Variants in SGCZ observed in about 807,000 individuals in gnomAD.
The protein encoded by SGCZ is sarcoglycan zeta, also known as zeta-sarcoglycan.
In SGCZ, 40 loss-of-function variants were observed where a neutral mutation model predicts 41.3. The observed-to-expected ratio is 0.97, with a 90% CI of 0.75 to 1.26. The LOEUF (loss-of-function observed/expected upper bound fraction) is 1.26, where lower values mean the gene tolerates loss of function less well. Among genes scored for constraint, SGCZ ranks in the 50% most tolerant of loss-of-function variants. SGCZ has a pLI of 0.00. For missense variants in SGCZ, 552 were observed against 369.8 expected (o/e 1.49, Z -4.04); for synonymous variants, 206 against 137.5 (o/e 1.50, Z -3.49).
intron 1 of SGCZ, among the ~76,000 whole-genome samples, chr8:14,985,280 C>A (rs1801793887): frequency 6.6e-6 from 1 of 152,046 alleles, no homozygotes; most frequent in Non-Finnish European, 1.5e-5. Flanking sequence ...CATCCAAAAT[C>A]ATAAAATGTC....
intron 1 of SGCZ, among the ~76,000 whole-genome samples, chr8:14,774,955 G>A (rs1800356071): frequency 6.6e-6 from 1 of 151,994 alleles, no homozygotes; most frequent in Non-Finnish European, 1.5e-5. Context: ...TAAGAAAATT[G>A]TCATTGTAGT....
At chr8:14,800,066 C>A (rs1240929193) in intron 1 of SGCZ, among the ~76,000 whole-genome samples, 1 of 152,060 alleles carries the variant, frequency 6.6e-6, no homozygotes, top group East Asian at 1.9e-4. Flanking sequence ...CCATTATGTA[C>A]TCTACCTATA....
At chr8:15,215,908 A>G (rs1455084007) in intron 1 of SGCZ, among the ~76,000 whole-genome samples, 1 of 152,210 alleles carries the variant, frequency 6.6e-6, no homozygotes, top group African/African-American at 2.4e-5. Context: ...AGACAGAAAC[A>G]TCAACTTCTG....
At chr8:14,401,732 A>G (rs1320376135) in intron 2 of SGCZ, among the ~76,000 whole-genome samples, 1 of 151,614 alleles carries the variant, frequency 6.6e-6, no homozygotes, top group Non-Finnish European at 1.5e-5. Context: ...AATGTGAATA[A>G]TGCCGCAATA....
intron 3 of SGCZ, among the ~76,000 whole-genome samples, chr8:14,302,705 T>G (rs1801237464): frequency 6.6e-6 from 1 of 152,158 alleles, no homozygotes. Flanking sequence ...GATTCAAGCT[T>G]CACCTGTCCA....
intron 4 of SGCZ, among the ~76,000 whole-genome samples, chr8:14,196,584 A>G (rs1393291459): frequency 6.6e-6 from 1 of 152,200 alleles, no homozygotes; most frequent in Non-Finnish European, 1.5e-5. Context: ...TAATTTGTAC[A>G]TTGGTGTTTA....
At chr8:14,937,620 A>G (rs1161697263) in intron 1 of SGCZ, among the ~76,000 whole-genome samples, 1 of 152,116 alleles carries the variant, frequency 6.6e-6, no homozygotes, top group African/African-American at 2.4e-5. Flanking sequence ...TAGAGGAACC[A>G]ATGCAAAATC....
chr8:14,456,010 T>C (rs1006792847), intron 2 of SGCZ, among the ~76,000 whole-genome samples: 1 of 152,182 alleles, frequency 6.6e-6, no homozygotes, highest in African/African-American at 2.4e-5. Flanking sequence ...GACTGTTAAA[T>C]GGCTACAAGG....
At chr8:14,682,385 G>A (rs1336030786) in intron 1 of SGCZ, among the ~76,000 whole-genome samples, 8 of 151,704 alleles carry the variant, frequency 5.3e-5, no homozygotes, top group African/African-American at 2.4e-5. Context: ...CTTTGTATAA[G>A]TAAAACTTAA....
chr8:15,118,801 G>A (rs1267900966), intron 1 of SGCZ, among the ~76,000 whole-genome samples: 1 of 152,056 alleles, frequency 6.6e-6, no homozygotes, highest in Non-Finnish European at 1.5e-5. Context: ...TTCCCCATTT[G>A]ATAGCCCTGC....
chr8:14,274,798 T>TA (rs1800174433), intron 3 of SGCZ, among the ~76,000 whole-genome samples: 1 of 152,174 alleles, frequency 6.6e-6, no homozygotes, highest in Non-Finnish European at 1.5e-5. Flanking sequence ...GAAACACTAT[T>TA]ATCAAAATTA....
At chr8:14,789,260 C>T (rs755575039) in intron 1 of SGCZ, among the ~76,000 whole-genome samples, 2 of 152,126 alleles carry the variant, frequency 1.3e-5, no homozygotes, top group Non-Finnish European at 2.9e-5. Flanking sequence ...AAAAAATGTA[C>T]TTGTTTACAG....
At chr8:14,100,340 A>C (rs1445498883) in intron 7 of SGCZ, among the ~76,000 whole-genome samples, 1 of 151,146 alleles carries the variant, frequency 6.6e-6, no homozygotes, top group Non-Finnish European at 1.5e-5. Context: ...ATATGGGGCA[A>C]AATAGATATT....
At chr8:14,240,483 TCTC>T (rs1353270249) in intron 3 of SGCZ, among the ~76,000 whole-genome samples, 2 of 152,054 alleles carry the variant, frequency 1.3e-5, no homozygotes, top group African/African-American at 4.8e-5. Context: ...TTCATATAAT[TCTC>T]CTAATTTTTT....
intron 1 of SGCZ, among the ~76,000 whole-genome samples, chr8:14,998,794 G>C (rs1460213499): frequency 6.6e-6 from 1 of 152,090 alleles, no homozygotes; most frequent in East Asian, 1.9e-4. Context: ...CTCAACTCAG[G>C]TCTATATATA....
In SGCZ at chr8:15,122,919, C is replaced by A. The variant is rs185306543; in HGVS notation, c.39+114666G>T. On this transcript the variant is annotated intron_variant, in intron 1 of 7. Coordinates refer to ENST00000382080, the MANE Select transcript of SGCZ (RefSeq NM_139167.4). ...ATGTTACACCATAGAAAAGATTCTTCTTATTATTATTTGGAAACACTGAGC... is the reference window on the plus strand; with the variant it reads ...ATGTTACACCATAGAAAAGATTCTTATTATTATTATTTGGAAACACTGAGC... Among the ~76,000 whole-genome samples the A allele has an allele frequency of 5.0e-4, 76 of 152,212 alleles. No homozygotes were observed. The East Asian group carries it at 9.3e-3, about 19-fold the overall frequency.
At chr8:14,383,800 A>C (rs187371912) in intron 2 of SGCZ, among the ~76,000 whole-genome samples, 2 of 152,176 alleles carry the variant, frequency 1.3e-5, no homozygotes, top group East Asian at 3.9e-4. Flanking sequence ...AGTTGAATGT[A>C]GGCCAGACCA....
At chr8:14,898,347 G>A (rs952267522) in intron 1 of SGCZ, among the ~76,000 whole-genome samples, 2 of 152,134 alleles carry the variant, frequency 1.3e-5, no homozygotes, top group Non-Finnish European at 2.9e-5. Flanking sequence ...CTGTGCCAGG[G>A]TGCAGCGATG....
chr8:14,486,985 T>C (rs1309733546), intron 2 of SGCZ, among the ~76,000 whole-genome samples: 1 of 152,164 alleles, frequency 6.6e-6, no homozygotes, highest in African/African-American at 2.4e-5. Flanking sequence ...CAGGACTATG[T>C]TGTCTGAAAC....
Sources: gnomAD v4.1 joint callset for allele counts (sites outside exome capture counted in the v4.1 genomes callset) on GRCh38, gnomAD v4.1.1 for gene constraint, MANE v1.5 for transcripts, NCBI Gene and HGNC (gene_info 2026-07-23, HGNC 2026-07-21) for gene names.